The following ADAMTS16 variants were observed in gnomAD, a reference collection of about 807,000 sequenced individuals.
ADAMTS16 encodes A disintegrin and metalloproteinase with thrombospondin motifs 16.
A neutral mutation model predicts 145.8 loss-of-function variants in ADAMTS16; 94 were observed. That is an observed-to-expected ratio of 0.64 (90% CI 0.55 to 0.77). The LOEUF (loss-of-function observed/expected upper bound fraction) is 0.77, where lower values mean the gene tolerates loss of function less well. Ranked by LOEUF, ADAMTS16 falls within the 30% of genes least tolerant of loss-of-function variation. The pLI, the probability that ADAMTS16 is intolerant of heterozygous loss-of-function variation, is 0.00. For missense variants in ADAMTS16, 1,585 were observed against 1,591.5 expected, an observed-to-expected ratio of 1.00 and a Z score of 0.07; for synonymous variants, 659 against 604.3, an observed-to-expected ratio of 1.09 and a Z score of -1.33.
chr5:5,206,351 G>T (rs541638733), intron 9 of ADAMTS16, among the ~76,000 whole-genome samples: 1 of 133,388 alleles, frequency 7.5e-6, no homozygotes, highest in African/African-American at 2.8e-5. Context: ...GCGTGAACCC[G>T]GGAGGCGGAG....
At chr5:5,266,764 A>G (rs1380451372) in intron 18 of ADAMTS16, among the ~76,000 whole-genome samples, 1 of 152,176 alleles carries the variant, frequency 6.6e-6, no homozygotes, top group Non-Finnish European at 1.5e-5. Flanking sequence ...CAGGTAGAAC[A>G]TGCTCAACAG....
At chr5:5,281,294 C>T (rs1408485650) in intron 18 of ADAMTS16, among the ~76,000 whole-genome samples, 5 of 152,232 alleles carry the variant, frequency 3.3e-5, no homozygotes, top group East Asian at 1.9e-4. Context: ...TAGATAATAG[C>T]GCTTATGATG....
intron 4 of ADAMTS16, 131 bp from the exon 5 acceptor site, chr5:5,185,921 A>G (rs1286351839): frequency 2.7e-6 from 2 of 731,080 alleles, no homozygotes; most frequent in African/African-American, 3.5e-5. Flanking sequence ...CTGCATCACA[A>G]GGTTTTAAAG....
intron 9 of ADAMTS16, among the ~76,000 whole-genome samples, chr5:5,208,299 G>A (rs993545679): frequency 6.6e-6 from 1 of 152,158 alleles, no homozygotes; most frequent in African/African-American, 2.4e-5. Flanking sequence ...TCATTGTATT[G>A]TGATTCTAGG....
In ADAMTS16 at chr5:5,140,335, T is replaced by A; in HGVS notation, c.-133T>A. ...CCCGCGCCGCACGGAGCTTCAGTAA[T>A]AACCCCGGCGCGGCGGCGGAGTCGC... On this transcript the variant is annotated 5_prime_UTR_variant, in exon 1 of 23. Transcript: ENST00000274181. 1 of 923,270 alleles carries A rather than the reference T, an allele frequency of 1.1e-6. No individual in the cohort carries two copies. Among genetic ancestry groups the A allele is most frequent in the Non-Finnish European group, 1.5e-6 (1 of 669,030 alleles). The allele number at this position is 923,270 out of a possible 1,614,324, so 57.2% of individuals were successfully genotyped here.
At chr5:5,161,326 G>C (rs1221285651) in intron 3 of ADAMTS16, among the ~76,000 whole-genome samples, 1 of 152,100 alleles carries the variant, frequency 6.6e-6, no homozygotes, top group African/African-American at 2.4e-5. Context: ...ATTTTTGTTT[G>C]ATCTTGATTT....
intron 18 of ADAMTS16, among the ~76,000 whole-genome samples, chr5:5,293,470 A>G (rs2126493583): frequency 6.6e-6 from 1 of 152,248 alleles, no homozygotes; most frequent in East Asian, 1.9e-4. Context: ...CCATCCCTGC[A>G]TCATGATGTC....
intron 17 of ADAMTS16, among the ~76,000 whole-genome samples, chr5:5,250,344 G>A (rs2126407283): frequency 6.6e-6 from 1 of 152,238 alleles, no homozygotes; most frequent in South Asian, 2.1e-4. Context: ...CAGAAAATAA[G>A]GGACAAAATC....
chr5:5,254,058 T>G (rs951299033), intron 17 of ADAMTS16, among the ~76,000 whole-genome samples: 6 of 152,230 alleles, frequency 3.9e-5, no homozygotes, highest in Non-Finnish European at 8.8e-5. Context: ...TTGCTTGGTT[T>G]GCCCCATTGT....
chr5:5,140,582 G>A, intron 1 of ADAMTS16, 43 bp downstream of exon 1: 1 of 1,509,332 alleles, frequency 6.6e-7, no homozygotes, highest in Non-Finnish European at 8.8e-7. Flanking sequence ...CCGCGGGTCC[G>A]GACAGCTGGA....
At chr5:5,268,954 G>C (rs760185066) in intron 18 of ADAMTS16, among the ~76,000 whole-genome samples, 15 of 152,106 alleles carry the variant, frequency 9.9e-5, no homozygotes, top group Non-Finnish European at 1.9e-4. Context: ...GCTCAGACTC[G>C]CACAAAGGGA....
intron 18 of ADAMTS16, among the ~76,000 whole-genome samples, chr5:5,289,133 C>T (rs571512494): frequency 2.8e-4 from 43 of 152,240 alleles, no homozygotes; most frequent in African/African-American, 9.6e-4. Flanking sequence ...CTGCACTTCA[C>T]TTTTAGGAAA....
In ADAMTS16 at chr5:5,242,130, T is replaced by A; in HGVS notation, c.2601T>A (p.Pro867=). 1 of 1,614,200 alleles carries A rather than the reference T, an allele frequency of 6.2e-7. No individual in the cohort carries two copies. The highest frequency in any genetic ancestry group is 8.5e-7 in the Non-Finnish European group (1 of 1,180,036). The change falls in exon 17 of 23, where the codon CCT becomes CCA. Residue 867 remains proline (P), a synonymous_variant. Transcript: ENST00000274181. ...GCTTGGGGACCGAGAAGCAGCCCCCTGCCCAGCCCAGCTACACTTGGGCCA... is the reference window on the plus strand; with the variant it reads ...GCTTGGGGACCGAGAAGCAGCCCCCAGCCCAGCCCAGCTACACTTGGGCCA... ...MPRLGTEKQP[P]AQPSYTWAIV...
intron 17 of ADAMTS16, among the ~76,000 whole-genome samples, chr5:5,251,153 A>G (rs1035402148): frequency 3.3e-5 from 5 of 152,212 alleles, no homozygotes; most frequent in Non-Finnish European, 1.5e-5. Flanking sequence ...AGTAAAGAAC[A>G]CAAATCATTC....
At chr5:5,245,391 T>C (rs895098723) in intron 17 of ADAMTS16, among the ~76,000 whole-genome samples, 2 of 152,230 alleles carry the variant, frequency 1.3e-5, no homozygotes, top group Non-Finnish European at 2.9e-5. Flanking sequence ...CTTTGATTAT[T>C]GTTCTCATTT....
At chr5:5,190,451 A>G (rs1384753438) in intron 7 of ADAMTS16, among the ~76,000 whole-genome samples, 1 of 152,058 alleles carries the variant, frequency 6.6e-6, no homozygotes, top group Non-Finnish European at 1.5e-5. Flanking sequence ...CTTTCTCATT[A>G]TATAGTGGAA....
At chr5:5,307,522 T>C (rs969315234) in intron 21 of ADAMTS16, among the ~76,000 whole-genome samples, 1 of 152,154 alleles carries the variant, frequency 6.6e-6, no homozygotes, top group Non-Finnish European at 1.5e-5. Context: ...TGACTGCGTG[T>C]GGCAACAGCC....
At chr5:5,305,290 C>T (rs1225909077) in intron 20 of ADAMTS16, among the ~76,000 whole-genome samples, 1 of 117,988 alleles carries the variant, frequency 8.5e-6, no homozygotes, top group Non-Finnish European at 1.8e-5. Flanking sequence ...ACACATCCCA[C>T]ACCACACACA....
chr5:5,145,619 C>T (rs1386630729), intron 2 of ADAMTS16, among the ~76,000 whole-genome samples: 2 of 152,132 alleles, frequency 1.3e-5, no homozygotes, highest in Non-Finnish European at 1.5e-5. Context: ...ATATGTGCCC[C>T]CAGTAAAGGA....
Sources: gnomAD v4.1 joint callset for allele counts (sites outside exome capture counted in the v4.1 genomes callset) on GRCh38, gnomAD v4.1.1 for gene constraint, MANE v1.5 for transcripts, NCBI Gene and HGNC (gene_info 2026-07-23, HGNC 2026-07-21) for gene names.